CSTF3: variants seen among roughly 807,000 people sequenced by gnomAD.
CSTF3 encodes CF-1 77 kDa subunit.
A neutral mutation model predicts 105.8 loss-of-function variants in CSTF3; 29 were observed. That is an observed-to-expected ratio of 0.27 (90% CI 0.20 to 0.37). The LOEUF is 0.37. CSTF3 is among the 10% of genes least tolerant of loss of function. CSTF3 has a pLI of 1.00. For missense variants in CSTF3, 357 were observed against 879.3 expected (o/e 0.41, Z 7.51); for synonymous variants, 252 against 281.9 (o/e 0.89, Z 1.06).
At chr11:33,105,718 C>A in intron 7 of CSTF3, 25 bp from the exon 8 acceptor site, 1 of 1,611,044 alleles carries the variant, frequency 6.2e-7, no homozygotes, top group Non-Finnish European at 8.5e-7. Context: ...GAAATGCCAT[C>A]AATTATATTA....
intron 3 of CSTF3, among the ~76,000 whole-genome samples, chr11:33,132,077 C>A (rs3117541): frequency 0.56 from 84,468 of 151,830 alleles, 26,085 homozygotes; most frequent in Non-Finnish European, 0.69. Flanking sequence ...AAAAACGTTA[C>A]ATTGTTTGGC....
rs564092793 is a variant in CSTF3, at chr11:33,099,935, G to A, written c.827-218C>T. On this transcript the variant is annotated intron_variant, in intron 10 of 20. Coordinates refer to ENST00000323959, the MANE Select transcript of CSTF3 (RefSeq NM_001326.3). This position sits in a 1 kb window ranked among gnomAD's most constrained non-coding sequence, Gnocchi z 4.1. ...TTTTTGGAAGCAGGGTCTCTGTCAC[G>A]TAGGCTGGAGTGCAGTGGCACAAAT... 5.5e-4 allele frequency among the ~76,000 whole-genome samples: 83 copies of A among 152,104 alleles called. No homozygotes were observed. Among genetic ancestry groups the A allele is most frequent in the African/African-American group, 1.8e-3 (76 of 41,488 alleles).
intron 16 of CSTF3, 120 bp from the exon 17 acceptor site, chr11:33,090,847 TTATA>T: frequency 1.8e-6 from 1 of 566,994 alleles, no homozygotes; most frequent in Non-Finnish European, 2.9e-6. Context: ...TGACTTTTTA[TTATA>T]AAGATTTTTA....
At chr11:33,123,303 C>T (rs1037074590) in intron 3 of CSTF3, among the ~76,000 whole-genome samples, 2 of 151,746 alleles carry the variant, frequency 1.3e-5, no homozygotes, top group Non-Finnish European at 2.9e-5. Flanking sequence ...CAAATGAAAA[C>T]CACACTGAGA....
At chr11:33,145,808 C>T (rs1225678720) in intron 1 of CSTF3, among the ~76,000 whole-genome samples, 5 of 151,888 alleles carry the variant, frequency 3.3e-5, no homozygotes, top group Non-Finnish European at 7.4e-5. Flanking sequence ...AGCAAGACTC[C>T]GTCTCAAAAA....
chr11:33,140,843 A>C (rs1434784785), intron 3 of CSTF3: 1 of 151,978 alleles, frequency 6.6e-6, no homozygotes, highest in East Asian at 1.9e-4. Flanking sequence ...TCAGTTATTT[A>C]CATCTTACCC....
At chr11:33,097,558 G>C (rs148252261) in intron 13 of CSTF3, among the ~76,000 whole-genome samples, 3 of 152,046 alleles carry the variant, frequency 2.0e-5, no homozygotes, top group Non-Finnish European at 2.9e-5. Flanking sequence ...TAGTAGAGAT[G>C]GGGTTTCACC....
chr11:33,122,241 A>C (rs532596102), intron 3 of CSTF3, among the ~76,000 whole-genome samples: 1 of 152,318 alleles, frequency 6.6e-6, no homozygotes, highest in African/African-American at 2.4e-5. Flanking sequence ...GTTTACTGTT[A>C]ATAGAATATA....
chr11:33,133,209 T>C (rs924355204), intron 3 of CSTF3, among the ~76,000 whole-genome samples: 1 of 152,144 alleles, frequency 6.6e-6, no homozygotes, highest in African/African-American at 2.4e-5. Flanking sequence ...AATACCTGTT[T>C]CCACTCAATA....
At chr11:33,092,894 G>A (rs1000466980) in intron 15 of CSTF3, among the ~76,000 whole-genome samples, 7 of 152,202 alleles carry the variant, frequency 4.6e-5, no homozygotes, top group African/African-American at 1.7e-4. Context: ...TGACAGAGGT[G>A]TATTAAATTT....
intron 3 of CSTF3, among the ~76,000 whole-genome samples, chr11:33,132,673 T>A (rs1442875806): frequency 1.3e-5 from 2 of 152,224 alleles, no homozygotes; most frequent in Non-Finnish European, 2.9e-5. Context: ...CAATCTGACA[T>A]CTTTAATTGC....
chr11:33,161,111 A>C (rs998724085), intron 1 of CSTF3, among the ~76,000 whole-genome samples, 188 bp downstream of exon 1: 1 of 152,128 alleles, frequency 6.6e-6, no homozygotes, highest in Non-Finnish European at 1.5e-5. Flanking sequence ...TTCATGCCTA[A>C]GAGAGAGAAG....
chr11:33,100,312 G>A (rs1339717092), intron 10 of CSTF3, among the ~76,000 whole-genome samples: 3 of 146,912 alleles, frequency 2.0e-5, no homozygotes, highest in East Asian at 2.0e-4. Flanking sequence ...TGGAGATCAC[G>A]CCACTGCACT....
At chr11:33,146,879 T>C (rs1855790710) in intron 1 of CSTF3, among the ~76,000 whole-genome samples, 1 of 151,446 alleles carries the variant, frequency 6.6e-6, no homozygotes, top group African/African-American at 2.4e-5. Flanking sequence ...TTAAAAGAAA[T>C]TTTAGGCCAG....
At chr11:33,145,823 CAAAA>C (rs951101877) in intron 1 of CSTF3, among the ~76,000 whole-genome samples, 1 of 150,668 alleles carries the variant, frequency 6.6e-6, no homozygotes, top group African/African-American at 2.4e-5. Flanking sequence ...CAAAAACAAA[CAAAA>C]AAAAGAAATG....
At chr11:33,141,351 G>GA in intron 3 of CSTF3, 1 of 772,660 alleles carries the variant, frequency 1.3e-6, no homozygotes, top group East Asian at 4.7e-5. Flanking sequence ...GGAATAAAAA[G>GA]AAAAATGAGT....
chr11:33,090,057 C>T (rs1855151626), intron 17 of CSTF3, among the ~76,000 whole-genome samples: 1 of 152,176 alleles, frequency 6.6e-6, no homozygotes, highest in Non-Finnish European at 1.5e-5. Context: ...TTTAAGAATA[C>T]AAATCCCTCA....
chr11:33,132,424 A>T (rs530010493), intron 3 of CSTF3, among the ~76,000 whole-genome samples: 1 of 152,234 alleles, frequency 6.6e-6, no homozygotes. Flanking sequence ...TGGGGTGATT[A>T]CTACATTGCC....
chr11:33,096,534 T>G, intron 14 of CSTF3, 126 bp from the exon 15 acceptor site: 1 of 693,700 alleles, frequency 1.4e-6, no homozygotes, highest in Non-Finnish European at 2.4e-6. Flanking sequence ...AAAATCATGT[T>G]AAGTAAAAAT....
Sources: gnomAD v4.1 joint callset for allele counts (sites outside exome capture counted in the v4.1 genomes callset) on GRCh38, gnomAD v4.1.1 for gene constraint, Gnocchi (gnomAD v3.1) non-coding constraint, MANE v1.5 for transcripts, NCBI Gene and HGNC (gene_info 2026-07-23, HGNC 2026-07-21) for gene names.